Variants in RNF217 observed in about 807,000 individuals in gnomAD.
The protein encoded by RNF217 is ring finger protein 217, also known as E3 ubiquitin-protein ligase RNF217.
In RNF217, 31 loss-of-function variants were observed where a neutral mutation model predicts 57.8. That is an observed-to-expected ratio of 0.54 (90% CI 0.40 to 0.72). The LOEUF is 0.72. Among genes scored for constraint, RNF217 ranks in the 30% least tolerant of loss-of-function variants. RNF217 has a pLI of 0.00. For missense variants in RNF217, 696 were observed against 708.3 expected, an observed-to-expected ratio of 0.98 and a Z score of 0.20; for synonymous variants, 313 against 294.0, an observed-to-expected ratio of 1.06 and a Z score of -0.66.
intron 1 of RNF217, among the ~76,000 whole-genome samples, chr6:125,039,516 A>C (rs521323): frequency 0.83 from 125,896 of 151,978 alleles, 52,397 homozygotes; most frequent in East Asian, 1. Flanking sequence ...CTTTAACACC[A>C]CATTTTCAAT....
chr6:125,031,944 G>A (rs1055885304), intron 1 of RNF217, among the ~76,000 whole-genome samples: 7 of 152,254 alleles, frequency 4.6e-5, no homozygotes, highest in African/African-American at 1.4e-4. Context: ...TTACAGTTCC[G>A]CATGTCTGGG....
At chr6:125,003,799 C>T (rs1305598421) in intron 1 of RNF217, among the ~76,000 whole-genome samples, 1 of 152,006 alleles carries the variant, frequency 6.6e-6, no homozygotes, top group African/African-American at 2.4e-5. Context: ...TATCAGAGCT[C>T]ATACCATAAG....
intron 1 of RNF217, among the ~76,000 whole-genome samples, chr6:124,999,402 C>T (rs1784883335): frequency 6.6e-6 from 1 of 152,078 alleles, no homozygotes; most frequent in Non-Finnish European, 1.5e-5. Flanking sequence ...AAGTGTATCT[C>T]TTCTCTCATC....
intron 3 of RNF217, among the ~76,000 whole-genome samples, chr6:125,071,482 ATATGTGTGTGTGTG>A (rs1258571647): frequency 4.6e-4 from 56 of 122,366 alleles, no homozygotes; most frequent in African/African-American, 1.7e-3. Flanking sequence ...ATCTGCCTAC[ATATGTGTGTGTGTG>A]TGTGTGTGTG....
intron 1 of RNF217, among the ~76,000 whole-genome samples, chr6:124,970,656 A>C (rs1783727701): frequency 6.6e-6 from 1 of 152,186 alleles, no homozygotes; most frequent in Admixed American, 6.5e-5. Flanking sequence ...ATGGTATTTA[A>C]AGCTATTAGA....
intron 1 of RNF217, among the ~76,000 whole-genome samples, chr6:124,967,079 G>C (rs962662994): frequency 1.3e-5 from 2 of 152,136 alleles, no homozygotes; most frequent in South Asian, 4.1e-4. Flanking sequence ...TGTTGATTTA[G>C]AGCTCTAAAT....
chr6:124,968,696 T>A (rs1481148705), intron 1 of RNF217, among the ~76,000 whole-genome samples: 1 of 152,200 alleles, frequency 6.6e-6, no homozygotes, highest in East Asian at 1.9e-4. Context: ...ACCTAAGGCA[T>A]CAGCTGATAC....
intron 1 of RNF217, among the ~76,000 whole-genome samples, chr6:125,023,490 T>A (rs1442588533): frequency 6.6e-6 from 1 of 152,186 alleles, no homozygotes; most frequent in Non-Finnish European, 1.5e-5. Flanking sequence ...TGTAAAGTAG[T>A]ACAGCCATTA....
At chr6:125,051,072 T>C (rs913624884) in intron 2 of RNF217, among the ~76,000 whole-genome samples, 3 of 152,032 alleles carry the variant, frequency 2.0e-5, no homozygotes, top group African/African-American at 7.2e-5. Flanking sequence ...CTAAGGCTGT[T>C]CTTTGTTTGC....
At chr6:125,033,604 T>C (rs1379215866) in intron 1 of RNF217, among the ~76,000 whole-genome samples, 1 of 150,698 alleles carries the variant, frequency 6.6e-6, no homozygotes, top group Non-Finnish European at 1.5e-5. Context: ...TTGTTGGACA[T>C]TTGGGTTGGT....
chr6:125,033,825 T>C (rs539383838), intron 1 of RNF217, among the ~76,000 whole-genome samples: 3,319 of 152,066 alleles, frequency 0.022, 47 homozygotes, highest in Non-Finnish European at 0.035. Context: ...TGTAAAAGTG[T>C]TCCTATTTCT....
At chr6:125,016,733 A>G (rs1312486691) in intron 1 of RNF217, among the ~76,000 whole-genome samples, 1 of 151,248 alleles carries the variant, frequency 6.6e-6, no homozygotes, top group Non-Finnish European at 1.5e-5. Flanking sequence ...GAGCTGAACA[A>G]TGACAACACG....
rs1296636845 is a variant in RNF217 at position 125,082,667 on chromosome 6, C to T, written c.1556-197C>T. The T allele has an allele frequency of 1.3e-5, 19 of 1,501,894 alleles. No homozygotes were observed. In the East Asian group the frequency reaches 4.1e-4, roughly 32 times the overall value. The allele number at this position is 1,501,894 out of a possible 1,614,324, so 93.0% of individuals were successfully genotyped here. On this transcript the variant is annotated intron_variant, in intron 5 of 5. Coordinates refer to ENST00000521654, the MANE Select transcript of RNF217 (RefSeq NM_001286398.3). ...AATCATTATTATTAAACTGGTATCA[C>T]TGAGGGTGCTAAAGGGGAGAAAAGC...
intron 1 of RNF217, among the ~76,000 whole-genome samples, chr6:125,017,749 T>C (rs1386929583): frequency 1.3e-5 from 2 of 152,198 alleles, no homozygotes; most frequent in Non-Finnish European, 2.9e-5. Flanking sequence ...TAACTGACTG[T>C]ATTTTTTTAT....
At chr6:125,005,882 G>A (rs1182654391) in intron 1 of RNF217, among the ~76,000 whole-genome samples, 2 of 152,164 alleles carry the variant, frequency 1.3e-5, no homozygotes, top group Non-Finnish European at 2.9e-5. Context: ...ATTCAGGCTT[G>A]ATTTATGTCA....
Position 124,962,979 on chromosome 6 carries a change from G to A in RNF217, c.435G>A (p.Leu145=), listed in dbSNP as rs752020619. 3 of 1,597,168 alleles carry A rather than the reference G, an allele frequency of 1.9e-6. No individual in the cohort carries two copies. Among genetic ancestry groups the A allele is most frequent in the South Asian group, 2.2e-5 (2 of 90,910 alleles). The change falls in exon 1 of 6, where the codon CTG becomes CTA. Residue 145 remains leucine, a synonymous_variant. Transcript: ENST00000521654. The surrounding 1 kb of genome is among the most constrained non-coding windows in gnomAD (Gnocchi z 4.6). ...CCCGCGTGGGGGCCGCCGACGGACT[G>A]GTCCTGGACGTGCTGGGTCAGCGGC... is the stretch of plus-strand genomic sequence containing the variant. ...PRTRVGAADG[L]VLDVLGQRRP...
intron 1 of RNF217, among the ~76,000 whole-genome samples, chr6:124,980,407 C>G (rs1784120903): frequency 6.6e-6 from 1 of 152,190 alleles, no homozygotes; most frequent in African/African-American, 2.4e-5. Context: ...AAAGGTCTTA[C>G]TGGCCAACCT....
intron 1 of RNF217, among the ~76,000 whole-genome samples, chr6:125,013,596 A>T (rs146279077): frequency 6.6e-6 from 1 of 152,054 alleles, no homozygotes; most frequent in African/African-American, 2.4e-5. Flanking sequence ...TTCTTTTAGT[A>T]AAGACTTATA....
At position 125,022,948 on chromosome 6, in the gene RNF217, G is replaced by A. The variant is rs559782274; in HGVS notation, c.883-22263G>A. On this transcript the variant is annotated intron_variant, in intron 1 of 5. Coordinates refer to ENST00000521654, the MANE Select transcript of RNF217 (RefSeq NM_001286398.3). ...TTGAATTTCAACAATTATTTCTTAA[G>A]CACCTACTTTATGTCAGGTTAGTGA... Among the ~76,000 whole-genome samples, 3 of 152,196 alleles carry A rather than the reference G, an allele frequency of 2.0e-5. No individual in the cohort carries two copies. In the South Asian group the frequency reaches 6.2e-4, roughly 32 times the overall value.
Sources: gnomAD v4.1 joint callset for allele counts (sites outside exome capture counted in the v4.1 genomes callset) on GRCh38, gnomAD v4.1.1 for gene constraint, Gnocchi (gnomAD v3.1) non-coding constraint, MANE v1.5 for transcripts, NCBI Gene and HGNC (gene_info 2026-07-23, HGNC 2026-07-21) for gene names.